SORCS2: variants seen among roughly 807,000 people sequenced by gnomAD.
SORCS2 encodes sortilin related VPS10 domain containing receptor 2.
Under a neutral mutation model 141.6 loss-of-function variants are expected in SORCS2, and 100 were observed. The observed-to-expected ratio is 0.71, with a 90% CI of 0.60 to 0.83. The LOEUF (loss-of-function observed/expected upper bound fraction) is 0.83, where lower values mean the gene tolerates loss of function less well. Ranked by LOEUF, SORCS2 falls within the 40% of genes least tolerant of loss-of-function variation. The pLI is 0.00. For missense variants in SORCS2, 1,646 were observed against 1,560.2 expected (o/e 1.05, Z -0.93); for synonymous variants, 789 against 676.9 (o/e 1.17, Z -2.57).
intron 1 of SORCS2, among the ~76,000 whole-genome samples, chr4:7,315,145 CT>C (rs1426776998): frequency 6.6e-6 from 1 of 152,122 alleles, no homozygotes; most frequent in African/African-American, 2.4e-5. Context: ...GTCCGCTGTT[CT>C]TCTTGTAGCT....
At chr4:7,471,250 G>T (rs1021565053) in intron 2 of SORCS2, among the ~76,000 whole-genome samples, 4 of 152,216 alleles carry the variant, frequency 2.6e-5, no homozygotes, top group African/African-American at 7.2e-5. Context: ...CCTGCCTCGC[G>T]CAATGCCATC....
intron 14 of SORCS2, among the ~76,000 whole-genome samples, chr4:7,710,101 C>T (rs1298602782): frequency 6.6e-6 from 1 of 152,166 alleles, no homozygotes; most frequent in African/African-American, 2.4e-5. Context: ...TCAACCAAAC[C>T]AGCCTCTCTG....
chr4:7,651,988 T>G (rs906627048), intron 4 of SORCS2, among the ~76,000 whole-genome samples: 8 of 152,212 alleles, frequency 5.3e-5, no homozygotes, highest in Non-Finnish European at 1.0e-4. Context: ...GGCTTCCTGC[T>G]TCTGCTGTTT....
chr4:7,689,374 G>C, intron 10 of SORCS2, 112 bp from the exon 11 acceptor site: 1 of 966,874 alleles, frequency 1.0e-6, no homozygotes, highest in Non-Finnish European at 1.5e-6. Context: ...GGCACTCCTG[G>C]CCCAGCCTTC....
chr4:7,268,081 C>T (rs1714867276), intron 1 of SORCS2, among the ~76,000 whole-genome samples: 1 of 152,206 alleles, frequency 6.6e-6, no homozygotes, highest in Non-Finnish European at 1.5e-5. Context: ...GAGGTGTGAA[C>T]TGAGTGGTGG....
intron 1 of SORCS2, among the ~76,000 whole-genome samples, chr4:7,359,628 G>A (rs571398211): frequency 3.7e-4 from 57 of 152,362 alleles, no homozygotes; most frequent in African/African-American, 1.4e-3. Context: ...GCAGCTGGCA[G>A]CCAATGCATT....
intron 2 of SORCS2, among the ~76,000 whole-genome samples, chr4:7,528,037 C>G (rs944859660): frequency 1.3e-5 from 2 of 149,346 alleles, no homozygotes; most frequent in Non-Finnish European, 1.5e-5. Flanking sequence ...CTCTGTCTCT[C>G]TCTCTGTCTC....
rs182536508 is a variant in SORCS2 at position 7,503,609 on chromosome 4, G to A, written c.549-27921G>A. Reference sequence around the variant, plus strand: ...CTGCAGAAACAGTAACAGCTGGAGAGGGTATACCCAGGATGCAGGGAGAGG... The same window carrying A: ...CTGCAGAAACAGTAACAGCTGGAGAAGGTATACCCAGGATGCAGGGAGAGG... On this transcript the variant is annotated intron_variant, in intron 2 of 26. Coordinates refer to ENST00000507866, the MANE Select transcript of SORCS2 (RefSeq NM_020777.3). Among the ~76,000 whole-genome samples, 290 of 152,310 alleles carry A rather than the reference G, an allele frequency of 1.9e-3. 2 individuals carry two copies. The highest frequency in any genetic ancestry group is 9.0e-4 in the Non-Finnish European group (61 of 68,034).
Position 7,520,219 on chromosome 4 carries a change from G to A in SORCS2, c.549-11311G>A, listed in dbSNP as rs558744944. On this transcript the variant is annotated intron_variant, in intron 2 of 26. Transcript: ENST00000507866. ...CCTGGTCTGGATGCAGCCTGGCATC[G>A]CGCCGATGCTCAGGAGAGGTCTGGA... Among the ~76,000 whole-genome samples the A allele has an allele frequency of 1.8e-4, 27 of 152,338 alleles. No homozygotes were observed. The South Asian group carries it at 3.7e-3, about 21-fold the overall frequency.
intron 1 of SORCS2, among the ~76,000 whole-genome samples, chr4:7,288,848 G>T (rs1443368879): frequency 6.6e-6 from 1 of 150,894 alleles, no homozygotes; most frequent in African/African-American, 2.4e-5. Context: ...AACCCTTTTT[G>T]TTTGAGGTGG....
chr4:7,717,850 A>T (rs1468448361), intron 17 of SORCS2, among the ~76,000 whole-genome samples, 162 bp from the exon 18 acceptor site: 1 of 152,204 alleles, frequency 6.6e-6, no homozygotes, highest in African/African-American at 2.4e-5. Flanking sequence ...TGTAACAGCA[A>T]TCAGGTGGAG....
chr4:7,269,672 A>G (rs900909456), intron 1 of SORCS2, among the ~76,000 whole-genome samples: 24 of 152,222 alleles, frequency 1.6e-4, no homozygotes, highest in African/African-American at 5.1e-4. Flanking sequence ...GCCAGAAGCC[A>G]GGGTGAGAGG....
chr4:7,440,696 C>T (rs995583884), intron 2 of SORCS2, among the ~76,000 whole-genome samples: 10 of 152,236 alleles, frequency 6.6e-5, no homozygotes, highest in Admixed American at 1.3e-4. Flanking sequence ...GCTCCCTGCC[C>T]ACCCTCATGC....
intron 2 of SORCS2, among the ~76,000 whole-genome samples, chr4:7,516,011 G>C (rs1005578250): frequency 1.3e-5 from 2 of 152,204 alleles, no homozygotes; most frequent in African/African-American, 4.8e-5. Flanking sequence ...TTAGGGGCTG[G>C]GACCTCAAGT....
At chr4:7,586,584 G>T (rs1716552274) in intron 3 of SORCS2, among the ~76,000 whole-genome samples, 1 of 152,158 alleles carries the variant, frequency 6.6e-6, no homozygotes, top group African/African-American at 2.4e-5. Context: ...GTGGTGTTTG[G>T]TTTTTCTGTT....
At position 7,674,871 on chromosome 4, in the gene SORCS2, C is replaced by T. The variant is rs944050411; in HGVS notation, c.1162-1179C>T. 2.0e-5 allele frequency among the ~76,000 whole-genome samples: 3 copies of T among 152,178 alleles called. No individual in the cohort carries two copies. The East Asian group carries it at 5.8e-4, about 29-fold the overall frequency. On this transcript the variant is annotated intron_variant, in intron 8 of 26. Transcript: ENST00000507866. Reference sequence around the variant, plus strand: ...ATGAGAACATGCGAAGGGAGCCATCCCCAAGCATCCCAGCCACAGCTACAC... The same window carrying T: ...ATGAGAACATGCGAAGGGAGCCATCTCCAAGCATCCCAGCCACAGCTACAC...
At chr4:7,609,143 G>A (rs1202830915) in intron 3 of SORCS2, among the ~76,000 whole-genome samples, 2 of 152,258 alleles carry the variant, frequency 1.3e-5, no homozygotes, top group East Asian at 3.9e-4. Context: ...CACTGGCTGT[G>A]TGGGCTTGGG....
chr4:7,370,200 A>G (rs969396252), intron 1 of SORCS2, among the ~76,000 whole-genome samples: 1 of 152,090 alleles, frequency 6.6e-6, no homozygotes, highest in African/African-American at 2.4e-5. Context: ...GGGCATAACC[A>G]CCAGGCTGGG....
intron 1 of SORCS2, among the ~76,000 whole-genome samples, chr4:7,248,479 C>T (rs1713280337): frequency 1.3e-5 from 2 of 152,292 alleles, no homozygotes; most frequent in Middle Eastern, 3.4e-3. Context: ...CTTTCCGTGC[C>T]AGTGTCCTGT....
Sources: gnomAD v4.1 joint callset for allele counts (sites outside exome capture counted in the v4.1 genomes callset) on GRCh38, gnomAD v4.1.1 for gene constraint, MANE v1.5 for transcripts, NCBI Gene and HGNC (gene_info 2026-07-23, HGNC 2026-07-21) for gene names.